SHISA9: variants seen among roughly 807,000 people sequenced by gnomAD.
SHISA9 encodes protein shisa-9.
SHISA9 carries 13 observed loss-of-function variants against 38.0 expected under a neutral mutation model. That is an observed-to-expected ratio of 0.34 (90% CI 0.22 to 0.54). The LOEUF (loss-of-function observed/expected upper bound fraction) is 0.54, where lower values mean the gene tolerates loss of function less well. Ranked by LOEUF, SHISA9 falls within the 20% of genes least tolerant of loss-of-function variation. The pLI is 0.91. For synonymous variants in SHISA9, 275 were observed against 242.0 expected (o/e 1.14, Z -1.27); for missense variants, 538 against 575.8 (o/e 0.93, Z 0.67).
At position 12,902,637 on chromosome 16, in the gene SHISA9, C is replaced by T. The variant is rs2071034352; in HGVS notation, c.563+10C>T. The T allele has an allele frequency of 6.5e-7, 1 of 1,533,410 alleles. No homozygotes were observed. 95.0% of individuals were successfully genotyped at this position (1,533,410 alleles called of 1,614,324 possible). On this transcript the variant is annotated intron_variant, in intron 1 of 4. Transcript: ENST00000558583. ...GGGAGCACATGTCCAGGTGGGCTGC[C>T]TCCCCTTCGCCCTCCCCTCGGGGCT...
intron 3 of SHISA9, among the ~76,000 whole-genome samples, chr16:13,207,441 T>A (rs1249703501): frequency 6.6e-6 from 1 of 151,340 alleles, no homozygotes; most frequent in Non-Finnish European, 1.5e-5. Context: ...GTTTGTTGAA[T>A]GAATGAATGA....
At chr16:13,297,008 A>G in the SHISA9 span, among the ~76,000 whole-genome samples, 2 of 151,980 alleles carry the variant, frequency 1.3e-5, no homozygotes, top group African/African-American at 4.8e-5. Context: ...CATCAGTAAT[A>G]CCTTAACTGT....
intron 2 of SHISA9, among the ~76,000 whole-genome samples, chr16:13,006,366 C>T (rs1246955481): frequency 1.3e-5 from 2 of 152,094 alleles, no homozygotes; most frequent in East Asian, 3.9e-4. Flanking sequence ...GAAGGGTCTC[C>T]ATCCACTGCC....
intron 2 of SHISA9, among the ~76,000 whole-genome samples, chr16:13,101,794 C>G (rs569651520): frequency 2.0e-5 from 3 of 152,140 alleles, no homozygotes; most frequent in African/African-American, 7.2e-5. Flanking sequence ...TACTTGCTAT[C>G]GTTTGTCTTT....
chr16:12,915,939 G>C (rs1247813653), intron 1 of SHISA9, among the ~76,000 whole-genome samples: 2 of 151,344 alleles, frequency 1.3e-5, no homozygotes, highest in African/African-American at 4.9e-5. Flanking sequence ...TCTTGGGTGT[G>C]GTATCTGTTT....
chr16:13,539,717 C>T, the SHISA9 span, among the ~76,000 whole-genome samples: 2 of 151,978 alleles, frequency 1.3e-5, no homozygotes, highest in Non-Finnish European at 2.9e-5. Flanking sequence ...GCATGGAACC[C>T]AATAGATGGT....
At chr16:13,055,599 T>C (rs1413748898) in intron 2 of SHISA9, among the ~76,000 whole-genome samples, 7 of 152,140 alleles carry the variant, frequency 4.6e-5, no homozygotes, top group African/African-American at 1.4e-4. Flanking sequence ...GTCAGACCCA[T>C]TGAAGTACGA....
intron 3 of SHISA9, among the ~76,000 whole-genome samples, chr16:13,210,948 G>C (rs1283098824): frequency 6.6e-6 from 1 of 152,180 alleles, no homozygotes. Flanking sequence ...CCTATCCCCT[G>C]CTCTTCTGGG....
chr16:13,063,567 A>C (rs981950029), intron 2 of SHISA9, among the ~76,000 whole-genome samples: 3 of 152,190 alleles, frequency 2.0e-5, no homozygotes, highest in African/African-American at 7.2e-5. Context: ...CAGAATGTTC[A>C]TCTAAGTACT....
At chr16:13,065,294 T>C (rs530581611) in intron 2 of SHISA9, among the ~76,000 whole-genome samples, 2 of 152,332 alleles carry the variant, frequency 1.3e-5, no homozygotes, top group Middle Eastern at 3.4e-3. Flanking sequence ...CCTGTCCCTT[T>C]CTCTTTTTCT....
At chr16:13,557,796 G>A in the SHISA9 span, among the ~76,000 whole-genome samples, 2 of 152,130 alleles carry the variant, frequency 1.3e-5, no homozygotes, top group South Asian at 4.1e-4. Flanking sequence ...TTCAAGATTC[G>A]CCATCTCATC....
intron 2 of SHISA9, among the ~76,000 whole-genome samples, chr16:12,978,512 A>C (rs2072196046): frequency 6.6e-6 from 1 of 152,238 alleles, no homozygotes; most frequent in South Asian, 2.1e-4. Context: ...ACTGCAGAGC[A>C]ACTGCCAGTG....
At chr16:13,445,692 T>G in the SHISA9 span, among the ~76,000 whole-genome samples, 2 of 152,182 alleles carry the variant, frequency 1.3e-5, no homozygotes. Context: ...TAATTCACAG[T>G]GCTATGAGAT....
intron 2 of SHISA9, among the ~76,000 whole-genome samples, chr16:13,126,634 GGAGA>G (rs1053556139): frequency 4.1e-5 from 6 of 145,982 alleles, no homozygotes; most frequent in South Asian, 4.4e-4. Context: ...AGAGGGGTGG[GGAGA>G]GAGAGAGGTG....
chr16:13,321,303 C>T, the SHISA9 span, among the ~76,000 whole-genome samples: 17 of 152,156 alleles, frequency 1.1e-4, no homozygotes, highest in Non-Finnish European at 2.5e-4. Flanking sequence ...TCTTTTATAG[C>T]ATAGAACACA....
At chr16:13,442,369 C>T in the SHISA9 span, among the ~76,000 whole-genome samples, 10 of 152,022 alleles carry the variant, frequency 6.6e-5, no homozygotes, top group African/African-American at 1.9e-4. Flanking sequence ...AGTGCAGTGG[C>T]GCGATCTTGT....
At chr16:13,205,163 G>C (rs1374286169) in intron 3 of SHISA9, among the ~76,000 whole-genome samples, 1 of 152,144 alleles carries the variant, frequency 6.6e-6, no homozygotes, top group Non-Finnish European at 1.5e-5. Context: ...CAATTGAACT[G>C]GTTGAGGATA....
the SHISA9 span, among the ~76,000 whole-genome samples, chr16:13,374,887 G>A: frequency 6.6e-6 from 1 of 152,190 alleles, no homozygotes; most frequent in Non-Finnish European, 1.5e-5. Flanking sequence ...ATCTCATTGT[G>A]GTTTTGAGTT....
chr16:12,911,396 T>A, intron 1 of SHISA9: 4 of 985,390 alleles, frequency 4.1e-6, no homozygotes, highest in Non-Finnish European at 4.8e-6. Context: ...GTCTATAAAA[T>A]GTTTTTTTGT....
Sources: gnomAD v4.1 joint callset for allele counts (sites outside exome capture counted in the v4.1 genomes callset) on GRCh38, gnomAD v4.1.1 for gene constraint, MANE v1.5 for transcripts, NCBI Gene and HGNC (gene_info 2026-07-23, HGNC 2026-07-21) for gene names.